RNF144B: variants seen among roughly 807,000 people sequenced by gnomAD.
The protein encoded by RNF144B is ring finger protein 144B, also known as E3 ubiquitin-protein ligase RNF144B.
In RNF144B, 25 loss-of-function variants were observed where a neutral mutation model predicts 40.2. The ratio of observed to expected loss-of-function variants is 0.62; its 90% CI spans 0.45 to 0.87. RNF144B has a LOEUF of 0.87. Among genes scored for constraint, RNF144B ranks in the 40% least tolerant of loss-of-function variants. RNF144B has a pLI of 0.00. For synonymous variants in RNF144B, 145 were observed against 136.3 expected (o/e 1.06, Z -0.44); for missense variants, 365 against 373.7 (o/e 0.98, Z 0.19).
rs1485113058 is a variant in RNF144B at position 18,398,337 on chromosome 6, T to C, written c.-36-1162T>C. On this transcript the variant is annotated intron_variant, in intron 1 of 7. Coordinates refer to ENST00000259939, the MANE Select transcript of RNF144B (RefSeq NM_182757.4). The surrounding 1 kb of genome is among the most constrained non-coding windows in gnomAD (Gnocchi z 5.0). Reference sequence around the variant, plus strand: ...AGAATTTTATTTCTTTTTATTCCACTGTATATATAGACCACATTTTGTTTG... The same window carrying C: ...AGAATTTTATTTCTTTTTATTCCACCGTATATATAGACCACATTTTGTTTG... Among the ~76,000 whole-genome samples, 1 of 152,152 alleles carries C rather than the reference T, an allele frequency of 6.6e-6. No homozygotes were observed. Among genetic ancestry groups the C allele is most frequent in the Non-Finnish European group, 1.5e-5 (1 of 68,020 alleles).
chr6:18,429,040 A>G (rs1452791997), intron 3 of RNF144B, among the ~76,000 whole-genome samples: 1 of 152,116 alleles, frequency 6.6e-6, no homozygotes, highest in East Asian at 1.9e-4. Flanking sequence ...AAAAATAAAA[A>G]TTAGAAAATT....
chr6:18,387,878 A>C (rs1794493886), intron 1 of RNF144B, among the ~76,000 whole-genome samples: 1 of 152,188 alleles, frequency 6.6e-6, no homozygotes, highest in African/African-American at 2.4e-5. Context: ...AATAGAATGT[A>C]TTGTAGAATC....
chr6:18,462,561 C>T (rs530018306), intron 6 of RNF144B, among the ~76,000 whole-genome samples: 57 of 152,278 alleles, frequency 3.7e-4, no homozygotes, highest in African/African-American at 1.3e-3. Flanking sequence ...ACACCGATGC[C>T]CAGTTGAGTC....
chr6:18,424,644 T>A (rs1485202217), intron 2 of RNF144B, among the ~76,000 whole-genome samples: 1 of 152,242 alleles, frequency 6.6e-6, no homozygotes, highest in Non-Finnish European at 1.5e-5. Flanking sequence ...ACATCCATTA[T>A]AAGCTCTTGG....
In RNF144B at chr6:18,456,023, C is replaced by T. The variant is rs1225081561; in HGVS notation, c.332-1132C>T. 2.0e-5 allele frequency among the ~76,000 whole-genome samples: 3 copies of T among 151,876 alleles called. No individual in the cohort carries two copies. The highest frequency in any genetic ancestry group is 2.9e-5 in the Non-Finnish European group (2 of 67,972). The stretch of plus-strand genomic sequence containing the variant: ...CTGCAACCTCTGCCTCCCGGGTTCA[C>T]GCCATTCTCCTGCCTCAGCCTGCCA... On this transcript the variant is annotated intron_variant, in intron 4 of 7. Coordinates refer to ENST00000259939, the MANE Select transcript of RNF144B (RefSeq NM_182757.4). The surrounding 1 kb of genome is among the most constrained non-coding windows in gnomAD (Gnocchi z 4.7).
At chr6:18,437,533 C>T (rs2113512384) in intron 3 of RNF144B, among the ~76,000 whole-genome samples, 1 of 152,156 alleles carries the variant, frequency 6.6e-6, no homozygotes, top group East Asian at 1.9e-4. Context: ...CCAAAAGGAC[C>T]AAATAGAATG....
At chr6:18,399,475 T>C in intron 1 of RNF144B, 24 bp from the exon 2 acceptor site, 1 of 1,526,054 alleles carries the variant, frequency 6.6e-7, no homozygotes, top group Non-Finnish European at 9.0e-7. Flanking sequence ...CATATAATAT[T>C]TTCTGCTTTG....
rs943079977 is a variant in RNF144B at position 18,398,715 on chromosome 6, C to T, written c.-36-784C>T. Among the ~76,000 whole-genome samples, 1 of 152,126 alleles carries T rather than the reference C, an allele frequency of 6.6e-6. No individual in the cohort carries two copies. The highest frequency in any genetic ancestry group is 1.5e-5 in the Non-Finnish European group (1 of 68,004). ...AGCCTCATTCTTCTGCTGATGGACA[C>T]TTGGGTTGCCTCCACTGTTTGGCTA... On this transcript the variant is annotated intron_variant, in intron 1 of 7. Transcript: ENST00000259939. This position sits in a 1 kb window ranked among gnomAD's most constrained non-coding sequence, Gnocchi z 5.0.
intron 1 of RNF144B, among the ~76,000 whole-genome samples, chr6:18,390,574 A>C (rs188988325): frequency 1.9e-4 from 29 of 152,356 alleles, no homozygotes; most frequent in Admixed American, 1.7e-3. Context: ...CATGGCTTGG[A>C]GTATTTATTA....
chr6:18,428,230 C>G (rs947882468), intron 3 of RNF144B, among the ~76,000 whole-genome samples: 1 of 152,128 alleles, frequency 6.6e-6, no homozygotes, highest in African/African-American at 2.4e-5. Flanking sequence ...TTTCTGAGAC[C>G]TTCCCAGGTC....
chr6:18,439,649 A>T, intron 3 of RNF144B, 35 bp from the exon 4 acceptor site: 1 of 1,503,334 alleles, frequency 6.7e-7, no homozygotes, highest in Non-Finnish European at 9.3e-7. Flanking sequence ...CACTATGATG[A>T]CTGAAGTCTC....
chr6:18,396,761 G>A (rs1794701393), intron 1 of RNF144B: 2 of 985,252 alleles, frequency 2.0e-6, no homozygotes, highest in Non-Finnish European at 1.2e-6. Flanking sequence ...CCATGAGCCC[G>A]GGAGTACTGG....
At chr6:18,396,258 A>G (rs1254328582) in intron 1 of RNF144B, 1 of 460,040 alleles carries the variant, frequency 2.2e-6, no homozygotes, top group African/African-American at 2.1e-5. Context: ...AGAAATATCT[A>G]ATTATAGGTA....
intron 3 of RNF144B, among the ~76,000 whole-genome samples, chr6:18,431,557 A>T (rs1188597056): frequency 2.0e-5 from 3 of 152,322 alleles, no homozygotes; most frequent in Middle Eastern, 3.4e-3. Flanking sequence ...CATATGCTTG[A>T]CTAGGTTCTA....
At position 18,441,650 on chromosome 6, in the gene RNF144B, A is replaced by C. The variant is rs1364066361; in HGVS notation, c.331+1906A>C. Among the ~76,000 whole-genome samples, 1 of 152,188 alleles carries C rather than the reference A, an allele frequency of 6.6e-6. No individual in the cohort carries two copies. The highest frequency in any genetic ancestry group is 1.5e-5 in the Non-Finnish European group (1 of 68,036). ...TGGGTTGTTTCTCACTGATGAATAT[A>C]AAGTTTTGGTTTATTTTAAAATCGT... On this transcript the variant is annotated intron_variant, in intron 4 of 7. Coordinates refer to ENST00000259939, the MANE Select transcript of RNF144B (RefSeq NM_182757.4). The surrounding 1 kb of genome is among the most constrained non-coding windows in gnomAD (Gnocchi z 4.9).
intron 1 of RNF144B, among the ~76,000 whole-genome samples, chr6:18,393,868 C>T (rs1314230408): frequency 6.6e-6 from 1 of 152,190 alleles, no homozygotes; most frequent in East Asian, 1.9e-4. Context: ...CTAGCTACTT[C>T]ACAGTGATGA....
chr6:18,391,995 C>T (rs201210045), intron 1 of RNF144B, among the ~76,000 whole-genome samples: 17 of 136,268 alleles, frequency 1.2e-4, no homozygotes, highest in South Asian at 6.9e-4. Context: ...GTCAGGAGAT[C>T]GAGACCATCC....
rs1006577759 is a variant in RNF144B at position 18,394,523 on chromosome 6, G to A, written c.-36-4976G>A. On this transcript the variant is annotated intron_variant, in intron 1 of 7. Coordinates refer to ENST00000259939, the MANE Select transcript of RNF144B (RefSeq NM_182757.4). ...TGAGGCAGGAGAATTGGTTGAACCC[G>A]GGAGGTGGAGGTTGCAGTGAGCTGA... Among the ~76,000 whole-genome samples, 4 of 151,942 alleles carry A rather than the reference G, an allele frequency of 2.6e-5. No individual in the cohort carries two copies. In the East Asian group the frequency reaches 5.8e-4, roughly 22 times the overall value.
At chr6:18,421,016 A>T (rs1339436334) in intron 2 of RNF144B, among the ~76,000 whole-genome samples, 1 of 152,068 alleles carries the variant, frequency 6.6e-6, no homozygotes, top group Non-Finnish European at 1.5e-5. Flanking sequence ...GCACTATGGG[A>T]GGCTGAGGCA....
Sources: gnomAD v4.1 joint callset for allele counts (sites outside exome capture counted in the v4.1 genomes callset) on GRCh38, gnomAD v4.1.1 for gene constraint, Gnocchi (gnomAD v3.1) non-coding constraint, MANE v1.5 for transcripts, NCBI Gene and HGNC (gene_info 2026-07-23, HGNC 2026-07-21) for gene names.